The following ZNF141 variants were observed in gnomAD, a reference collection of about 807,000 sequenced individuals.
The protein encoded by ZNF141 is zinc finger protein 141, also known as zinc finger protein 141 (clone pHZ-44).
In ZNF141, 7 loss-of-function variants were observed where a neutral mutation model predicts 11.3. That is an observed-to-expected ratio of 0.62 (90% CI 0.35 to 1.16). The LOEUF is 1.16. Ranked by LOEUF, ZNF141 falls within the 50% of genes most tolerant of loss-of-function variation. The pLI is 0.02. For synonymous variants in ZNF141, 183 were observed against 190.7 expected, an observed-to-expected ratio of 0.96 and a Z score of 0.33; for missense variants, 535 against 554.0, an observed-to-expected ratio of 0.97 and a Z score of 0.34.
rs782658556 is a variant in ZNF141 at position 373,200 on chromosome 4, T to A, written c.763T>A (p.Tyr255Asn). ...AATAATTCATACTGGAGAAAAACCC[T>A]ATAAATGTGAAGAATGTGGCAAAGC... is the stretch of plus-strand genomic sequence containing the variant. ...HKIIHTGEKP[Y>N]KCEECGKAFN... The change falls in exon 4 of 4, where the codon TAT (tyrosine) becomes AAT (asparagine). Residue 255 changes from tyrosine (Y) to asparagine (N), a missense_variant. Coordinates refer to ENST00000240499, the MANE Select transcript of ZNF141 (RefSeq NM_003441.4). 1.2e-6 allele frequency: 2 copies of A among 1,613,888 alleles called. No individual in the cohort carries two copies. The highest frequency in any genetic ancestry group is 8.5e-7 in the Non-Finnish European group (1 of 1,179,978).
At chr4:357,114 T>C (rs782195446) in intron 3 of ZNF141, among the ~76,000 whole-genome samples, 1 of 152,092 alleles carries the variant, frequency 6.6e-6, no homozygotes, top group Non-Finnish European at 1.5e-5. Flanking sequence ...TGCCACCATA[T>C]TCAGCTAATT....
rs782242415 is a variant in ZNF141 at position 372,711 on chromosome 4, G to C, written c.274G>C (p.Glu92Gln). ...AGACCATTGGCCAGTGCAGGGCATA[G>C]AAGATTCATTCCACAAACTTATACT... ...TQDHWPVQGI[E>Q]DSFHKLILRR... Residue 92 changes from glutamate (E) to glutamine (Q), a missense_variant, in exon 4 of 4, where the codon GAA (glutamate) becomes CAA (glutamine). Transcript: ENST00000240499. 1.2e-6 allele frequency: 2 copies of C among 1,606,030 alleles called. No homozygotes were observed. Among genetic ancestry groups the C allele is most frequent in the African/African-American group, 2.7e-5 (2 of 74,644 alleles).
intron 3 of ZNF141, chr4:358,183 CTT>C (rs575102486): frequency 0.043 from 12,417 of 289,910 alleles, 8 homozygotes; most frequent in South Asian, 0.058. Context: ...GTTTCTCGTT[CTT>C]TTTTTTTTTT....
rs547271727 is a variant in ZNF141 at position 375,863 on chromosome 4, G to A, written c.*2001G>A. On this transcript the variant is annotated 3_prime_UTR_variant, in exon 4 of 4. Transcript: ENST00000240499. ...TTTGTGAATTTTTACAAGAAAGAGT[G>A]AGGACAGAAATGAAAGATCCATGAT... Among the ~76,000 whole-genome samples, 45 of 152,122 alleles carry A rather than the reference G, an allele frequency of 3.0e-4. No individual in the cohort carries two copies. The highest frequency in any genetic ancestry group is 1.1e-3 in the African/African-American group (44 of 41,532).
At chr4:372,136 T>A (rs547376346) in intron 3 of ZNF141, among the ~76,000 whole-genome samples, 49 of 152,342 alleles carry the variant, frequency 3.2e-4, no homozygotes, top group Admixed American at 5.9e-4. Flanking sequence ...TTGCCTGTAT[T>A]TAGCACTGCA....
At chr4:353,026 T>C (rs1367069891) in intron 3 of ZNF141, among the ~76,000 whole-genome samples, 2 of 152,076 alleles carry the variant, frequency 1.3e-5, no homozygotes, top group Non-Finnish European at 2.9e-5. Context: ...GCACCCAGTT[T>C]GTGTTGGAGG....
chr4:351,227 C>T (rs1553850401), intron 3 of ZNF141, among the ~76,000 whole-genome samples: 1 of 150,982 alleles, frequency 6.6e-6, no homozygotes, highest in Non-Finnish European at 1.5e-5. Flanking sequence ...AACTATGAGC[C>T]AGTTAAACCT....
Position 383,262 on chromosome 4 carries a change from G to C in ZNF141, c.*9400G>C. 1 of 647,582 alleles carries C rather than the reference G, an allele frequency of 1.5e-6. No individual in the cohort carries two copies. The highest frequency in any genetic ancestry group is 2.7e-5 in the Admixed American group (1 of 37,656). 40.1% of individuals were successfully genotyped at this position (647,582 alleles called of 1,614,324 possible). ...TGAAGGAGCCAAACTGAGCCCAGAA[G>C]AATGGCCCGGCTGAGCCCAGCCTAA... On this transcript the variant is annotated 3_prime_UTR_variant, in exon 4 of 4. Coordinates refer to ENST00000240499, the MANE Select transcript of ZNF141 (RefSeq NM_003441.4).
At chr4:366,755 A>T (rs1435744780) in intron 3 of ZNF141, among the ~76,000 whole-genome samples, 1 of 151,942 alleles carries the variant, frequency 6.6e-6, no homozygotes, top group Non-Finnish European at 1.5e-5. Flanking sequence ...GCTCACCACA[A>T]CCTCTGCCTC....
chr4:365,694 TCTTA>T (rs1330450600), intron 3 of ZNF141, among the ~76,000 whole-genome samples: 2 of 152,244 alleles, frequency 1.3e-5, no homozygotes, highest in Non-Finnish European at 2.9e-5. Flanking sequence ...GCTTTTGAGG[TCTTA>T]CTTAAAAATT....
In ZNF141 at chr4:383,041, G is replaced by T. The variant is rs1308853752; in HGVS notation, c.*9179G>T. 1 of 623,180 alleles carries T rather than the reference G, an allele frequency of 1.6e-6. No individual in the cohort carries two copies. Among genetic ancestry groups the T allele is most frequent in the Non-Finnish European group, 2.8e-6 (1 of 351,092 alleles). 38.6% of individuals were successfully genotyped at this position (623,180 alleles called of 1,614,324 possible). A position where few individuals can be genotyped will look rare whatever the true frequency, so the allele number is the denominator to read the frequency against. On this transcript the variant is annotated 3_prime_UTR_variant, in exon 4 of 4. Transcript: ENST00000240499. ...TGACTTATCTGCACTGGCACAGGGTGCCAGTTTGGGGCCCAGGTTTAAAGG... is the reference window on the plus strand; with the variant it reads ...TGACTTATCTGCACTGGCACAGGGTTCCAGTTTGGGGCCCAGGTTTAAAGG...
chr4:364,291 G>T (rs1711622461), intron 3 of ZNF141, among the ~76,000 whole-genome samples: 1 of 152,046 alleles, frequency 6.6e-6, no homozygotes, highest in South Asian at 2.1e-4. Flanking sequence ...TGTACCTCTG[G>T]TAGAATTCGG....
In ZNF141 at chr4:382,806, A is replaced by G. The variant is rs1399864696; in HGVS notation, c.*8944A>G. On this transcript the variant is annotated 3_prime_UTR_variant, in exon 4 of 4. Coordinates refer to ENST00000240499, the MANE Select transcript of ZNF141 (RefSeq NM_003441.4). ...TCTATGGAGGTGCATGGGCTTCAGA[A>G]TCAGGCCAACGTTGATCCTGAGTCC... 9.3e-5 allele frequency: 21 copies of G among 225,328 alleles called. No individual in the cohort carries two copies. Among genetic ancestry groups the G allele is most frequent in the African/African-American group, 2.8e-4 (12 of 43,544 alleles). 14.0% of individuals were successfully genotyped at this position (225,328 alleles called of 1,614,324 possible). A position where few individuals can be genotyped will look rare whatever the true frequency, so the allele number is the denominator to read the frequency against.
At chr4:351,806 C>T (rs1158033401) in intron 3 of ZNF141, among the ~76,000 whole-genome samples, 1 of 152,076 alleles carries the variant, frequency 6.6e-6, no homozygotes, top group African/African-American at 2.4e-5. Context: ...TCTCAGCCTG[C>T]TCAAATTAGA....
At chr4:368,087 C>G (rs1711836015) in intron 3 of ZNF141, among the ~76,000 whole-genome samples, 1 of 152,144 alleles carries the variant, frequency 6.6e-6, no homozygotes, top group Admixed American at 6.6e-5. Flanking sequence ...TAGAGTCAGA[C>G]TGCTTTATAT....
intron 3 of ZNF141, among the ~76,000 whole-genome samples, chr4:347,639 G>A (rs558050485): frequency 9.9e-5 from 15 of 151,358 alleles, no homozygotes; most frequent in Non-Finnish European, 1.5e-4. Flanking sequence ...GAGCCCGGCC[G>A]CGCCCAGCCT....
Position 374,108 on chromosome 4 carries a change from T to C in ZNF141, c.*246T>C. ...ACCTGAATGAGCAGAAGAAAATTAT[T>C]ACTGGAGATAAACCCTGCAAATGTA... On this transcript the variant is annotated 3_prime_UTR_variant, in exon 4 of 4. Coordinates refer to ENST00000240499, the MANE Select transcript of ZNF141 (RefSeq NM_003441.4). The C allele has an allele frequency of 1.9e-6, 1 of 522,628 alleles. No individual in the cohort carries two copies. Among genetic ancestry groups the C allele is most frequent in the Non-Finnish European group, 3.4e-6 (1 of 293,392 alleles). The allele number at this position is 522,628 out of a possible 1,614,324, so 32.4% of individuals were successfully genotyped here.
intron 3 of ZNF141, among the ~76,000 whole-genome samples, chr4:352,820 G>A (rs1367063634): frequency 6.6e-6 from 1 of 152,100 alleles, no homozygotes; most frequent in South Asian, 2.1e-4. Context: ...GCTAAGTTCT[G>A]TGAGTAGTTT....
chr4:346,896 G>C (rs201662903), intron 3 of ZNF141, among the ~76,000 whole-genome samples: 41,980 of 125,968 alleles, frequency 0.33, 7,629 homozygotes, highest in African/African-American at 0.47. Flanking sequence ...CACACACACC[G>C]CCCCCCCCAT....
Sources: allele counts gnomAD v4.1 joint callset (sites outside exome capture counted in the v4.1 genomes callset), GRCh38; gene constraint gnomAD v4.1.1; transcripts MANE v1.5; gene names NCBI Gene and HGNC (gene_info 2026-07-23, HGNC 2026-07-21).